The following STAG2 variants were observed in gnomAD, a reference collection of about 807,000 sequenced individuals.
STAG2 encodes cohesin subunit SA-2.
A neutral mutation model predicts 108.1 loss-of-function variants in STAG2; 14 were observed. The observed-to-expected ratio is 0.13, with a 90% CI of 0.09 to 0.20. STAG2 has a LOEUF of 0.20. Among genes scored for constraint, STAG2 ranks in the 10% least tolerant of loss-of-function variants. The pLI is 1.00. For synonymous variants in STAG2, 307 were observed against 302.7 expected (o/e 1.01, Z -0.15); for missense variants, 440 against 940.9 (o/e 0.47, Z 6.96).
chrX:124,059,770 C>G (rs2058325939), intron 15 of STAG2, among the ~76,000 whole-genome samples: 2 of 111,366 alleles, frequency 1.8e-5, no homozygotes, highest in African/African-American at 6.6e-5. Flanking sequence ...AGTTGATCCT[C>G]TTGCCTCAGC....
chrX:124,030,685 C>A (rs1346975881), intron 4 of STAG2, among the ~76,000 whole-genome samples: 3 of 111,424 alleles, frequency 2.7e-5, no homozygotes, highest in Non-Finnish European at 5.6e-5. Context: ...CCTAAAATCA[C>A]TCAGCTAATA....
intron 28 of STAG2, 49 bp from the exon 29 acceptor site, chrX:124,083,372 T>G: frequency 9.8e-7 from 1 of 1,022,795 alleles, no homozygotes; most frequent in Non-Finnish European, 1.3e-6. Context: ...ACTTTTTTAT[T>G]ATAGTCCCTC....
Position 124,078,830 on chromosome X carries a change from A to C in STAG2, c.2775+772A>C, listed in dbSNP as rs751080330. On this transcript the variant is annotated intron_variant, in intron 27 of 34. Coordinates refer to ENST00000371145, the MANE Select transcript of STAG2 (RefSeq NM_001042750.2). The stretch of plus-strand genomic sequence containing the variant: ...CTAAAAATACAAAAATTAGCTGGGC[A>C]TGATGATGTGAGCCTATAATCCCAG... 1.1e-4 allele frequency among the ~76,000 whole-genome samples: 12 copies of C among 108,810 alleles called. No homozygotes were observed. In the East Asian group the frequency reaches 3.3e-3, roughly 30 times the overall value. 94.5% of individuals were successfully genotyped at this position (108,810 alleles called of 115,157 possible).
chrX:123,963,961 T>A (rs1048678670), intron 1 of STAG2, among the ~76,000 whole-genome samples: 2 of 111,564 alleles, frequency 1.8e-5, no homozygotes, highest in East Asian at 2.8e-4. Flanking sequence ...TTGAAGATAA[T>A]AATGAGAGGA....
At chrX:123,989,387 G>A (rs905185893) in intron 1 of STAG2, among the ~76,000 whole-genome samples, 1 of 110,596 alleles carries the variant, frequency 9.0e-6, no homozygotes, top group African/African-American at 3.3e-5. Flanking sequence ...TATATGTATT[G>A]CATTGTAACT....
At chrX:124,034,513 T>C (rs1476744307) in intron 5 of STAG2, among the ~76,000 whole-genome samples, 2 of 112,259 alleles carry the variant, frequency 1.8e-5, no homozygotes, top group Non-Finnish European at 3.8e-5. Flanking sequence ...AGGGTTCTTA[T>C]CTAAAATTTC....
Position 123,985,615 on chromosome X carries a change from C to A in STAG2, c.-163+23759C>A, listed in dbSNP as rs763029738. ...ACACGATTTTGCTCTGTTGCCCAGACTGGAATACAGTAGCAAGACCACATA... is the reference window on the plus strand; with the variant it reads ...ACACGATTTTGCTCTGTTGCCCAGAATGGAATACAGTAGCAAGACCACATA... On this transcript the variant is annotated intron_variant, in intron 1 of 34. Transcript: ENST00000371145. Among the ~76,000 whole-genome samples, 8 of 110,105 alleles carry A rather than the reference C, an allele frequency of 7.3e-5. No individual in the cohort carries two copies. In the East Asian group the frequency reaches 2.3e-3, roughly 31 times the overall value.
intron 19 of STAG2, 22 bp downstream of exon 19, chrX:124,063,227 A>G (rs372938964): frequency 4.0e-5 from 44 of 1,096,543 alleles, no homozygotes; most frequent in Non-Finnish European, 5.1e-5. Flanking sequence ...TTGTGTAAAA[A>G]AAACCTTTAA....
intron 11 of STAG2, 107 bp downstream of exon 11, chrX:124,050,416 G>C (rs983786260): frequency 4.8e-6 from 4 of 836,161 alleles, no homozygotes; most frequent in Non-Finnish European, 6.4e-6. Flanking sequence ...CACATTTCTG[G>C]AAGCCTCCCC....
intron 1 of STAG2, among the ~76,000 whole-genome samples, chrX:123,969,856 A>G (rs2054269468): frequency 9.3e-6 from 1 of 107,921 alleles, no homozygotes. Flanking sequence ...CATGTTGGCC[A>G]GGCTGGTCTC....
At chrX:124,083,194 G>A (rs1296819699) in intron 28 of STAG2, among the ~76,000 whole-genome samples, 4 of 79,809 alleles carry the variant, frequency 5.0e-5, no homozygotes, top group African/African-American at 7.4e-5. Flanking sequence ...GCTAAGTGGC[G>A]TGTGTGTGTG....
intron 7 of STAG2, among the ~76,000 whole-genome samples, chrX:124,044,132 G>A (rs182853736): frequency 9.0e-6 from 1 of 111,175 alleles, no homozygotes; most frequent in Admixed American, 9.6e-5. Flanking sequence ...TAGTTGAGAA[G>A]TAATTTTGAA....
At chrX:124,042,715 T>A (rs2148160150) in intron 7 of STAG2, 70 bp downstream of exon 7, 2 of 822,912 alleles carry the variant, frequency 2.4e-6, no homozygotes, top group Non-Finnish European at 3.6e-6. Context: ...AAAGTATTAT[T>A]AAATTGTAAG....
intron 10 of STAG2, 38 bp from the exon 11 acceptor site, chrX:124,050,148 G>A: frequency 8.4e-7 from 1 of 1,194,166 alleles, no homozygotes; most frequent in Non-Finnish European, 1.1e-6. Context: ...GTGGTATATT[G>A]GCACTAATTA....
chrX:124,028,578 C>T (rs752627404), intron 4 of STAG2, among the ~76,000 whole-genome samples: 180 of 109,928 alleles, frequency 1.6e-3, no homozygotes, highest in African/African-American at 5.8e-3. Flanking sequence ...TAATATGTTT[C>T]AGATGTTTCA....
At chrX:124,061,459 G>A in intron 16 of STAG2, 118 bp downstream of exon 16, 2 of 525,630 alleles carry the variant, frequency 3.8e-6, no homozygotes, top group Non-Finnish European at 6.3e-6. Flanking sequence ...CTTACTTCGT[G>A]CATAGTTTTG....
chrX:124,027,768 C>A (rs1168679236), intron 4 of STAG2, among the ~76,000 whole-genome samples: 1 of 112,083 alleles, frequency 8.9e-6, no homozygotes, highest in Non-Finnish European at 1.9e-5. Flanking sequence ...CAGAGAATCC[C>A]AGTGGTTAAA....
At chrX:124,078,779 G>A (rs1255562026) in intron 27 of STAG2, among the ~76,000 whole-genome samples, 5 of 110,066 alleles carry the variant, frequency 4.5e-5, no homozygotes, top group African/African-American at 1.7e-4. Flanking sequence ...GACCAGCCTG[G>A]CCAACATGGT....
At chrX:124,015,858 T>G (rs1259372162) in intron 1 of STAG2, among the ~76,000 whole-genome samples, 2 of 111,750 alleles carry the variant, frequency 1.8e-5, no homozygotes, top group Non-Finnish European at 3.8e-5. Flanking sequence ...GTAGTCTACC[T>G]TTTAGCATTC....
Sources: allele counts gnomAD v4.1 joint callset (sites outside exome capture counted in the v4.1 genomes callset), GRCh38; gene constraint gnomAD v4.1.1; transcripts MANE v1.5; gene names NCBI Gene and HGNC (gene_info 2026-07-23, HGNC 2026-07-21).